RBPJ: variants seen among roughly 807,000 people sequenced by gnomAD.
RBPJ encodes the protein recombination signal binding protein for immunoglobulin kappa J region, also known as recombining binding protein suppressor of hairless.
In RBPJ, 9 loss-of-function variants were observed where a neutral mutation model predicts 67.8. The ratio of observed to expected loss-of-function variants is 0.13; its 90% confidence interval spans 0.08 to 0.23. The LOEUF (loss-of-function observed/expected upper bound fraction) is 0.23. Ranked by LOEUF, RBPJ falls within the 10% of genes least tolerant of loss-of-function variation. The pLI is 1.00. For synonymous variants in RBPJ, 198 were observed against 203.3 expected (o/e 0.97, Z 0.22); for missense variants, 305 against 595.6 (o/e 0.51, Z 5.08).
intron 1 of RBPJ, among the ~76,000 whole-genome samples, chr4:26,328,858 C>A (rs1379855748): frequency 1.3e-5 from 2 of 152,176 alleles, no homozygotes; most frequent in African/African-American, 4.8e-5. Flanking sequence ...CTATGTTTTC[C>A]AGGCTGGTCC....
Position 26,430,910 on chromosome 4 carries a change from C to T in RBPJ, c.1367C>T (p.Pro456Leu), listed in dbSNP as rs759625858. ...CTTCGAGCCAATTCAAGCCAGGTGC[C>T]CCCTAACGAATCAAACACAAACAGC... ...AILRANSSQV[P>L]PNESNTNSEG... is the part of the protein sequence containing the mutation. The change falls in exon 11 of 11, where the codon CCC becomes CTC. Residue 456 changes from proline to leucine, a missense_variant. Physicochemically the swap from Pro to Leu is moderately conservative, Grantham distance 98. Transcript: ENST00000355476. This position sits in a 1 kb window ranked among gnomAD's most constrained non-coding sequence, Gnocchi z 4.1. 57 of 1,613,972 alleles carry T rather than the reference C, an allele frequency of 3.5e-5. No homozygotes were observed. Among genetic ancestry groups the T allele is most frequent in the Non-Finnish European group, 4.7e-5 (56 of 1,179,956 alleles).
chr4:26,253,849 C>T (rs1439791110), intron 1 of RBPJ, among the ~76,000 whole-genome samples: 1 of 148,698 alleles, frequency 6.7e-6, no homozygotes, highest in Non-Finnish European at 1.5e-5. Flanking sequence ...ATTATTTTTA[C>T]ACTAAAATTG....
At chr4:26,390,694 A>G (rs1731409854) in intron 2 of RBPJ, among the ~76,000 whole-genome samples, 1 of 152,232 alleles carries the variant, frequency 6.6e-6, no homozygotes, top group Non-Finnish European at 1.5e-5. Flanking sequence ...TCTACACTGA[A>G]GACTACCAAA....
intron 1 of RBPJ, among the ~76,000 whole-genome samples, chr4:26,338,729 C>G (rs1299256431): frequency 6.6e-6 from 1 of 151,826 alleles, no homozygotes; most frequent in East Asian, 1.9e-4. Flanking sequence ...TGCCTGCCAC[C>G]CTGCCCGGCT....
the RBPJ span, among the ~76,000 whole-genome samples, chr4:26,127,431 A>G: frequency 6.6e-6 from 1 of 152,088 alleles, no homozygotes; most frequent in Admixed American, 6.5e-5. Context: ...TGTGGTAGAA[A>G]TGCACTCTCT....
chr4:26,317,445 G>C (rs1271983661), upstream of RBPJ, among the ~76,000 whole-genome samples: 1 of 152,060 alleles, frequency 6.6e-6, no homozygotes, highest in Non-Finnish European at 1.5e-5. Context: ...AGAGGAGGAG[G>C]TGAAGGCAGA....
intron 1 of RBPJ, among the ~76,000 whole-genome samples, chr4:26,175,530 C>A (rs895386989): frequency 1.3e-5 from 2 of 152,164 alleles, no homozygotes; most frequent in Non-Finnish European, 2.9e-5. Context: ...TTACGTTTAC[C>A]CCTTTTGTGT....
intron 1 of RBPJ, among the ~76,000 whole-genome samples, chr4:26,300,346 T>C (rs925523023): frequency 6.6e-6 from 1 of 152,208 alleles, no homozygotes; most frequent in Non-Finnish European, 1.5e-5. Flanking sequence ...TCATCACTTT[T>C]CTTTTCCAAT....
At chr4:26,246,965 A>G (rs1207293073) in intron 1 of RBPJ, among the ~76,000 whole-genome samples, 2 of 148,544 alleles carry the variant, frequency 1.3e-5, no homozygotes, top group East Asian at 1.9e-4. Context: ...TCTATGGAAC[A>G]TAATACGCTT....
chr4:26,424,546 T>G lies in RBPJ; in HGVS notation c.634+67T>G. 6.4e-7 allele frequency: 1 copy of G among 1,569,240 alleles called. No individual in the cohort carries two copies. Among genetic ancestry groups the G allele is most frequent in the East Asian group, 2.2e-5 (1 of 44,604 alleles). On this transcript the variant is annotated intron_variant, in intron 6 of 10. Coordinates refer to ENST00000355476, the MANE Select transcript of RBPJ (RefSeq NM_015874.6). This position sits in a 1 kb window ranked among gnomAD's most constrained non-coding sequence, Gnocchi z 5.3. ...TGTTAAAATCTTTTGATGAGATACA[T>G]GGATATATTAAGTTTTGTCATTTGC...
At chr4:26,347,035 A>G (rs1307637657) in intron 1 of RBPJ, among the ~76,000 whole-genome samples, 1 of 152,152 alleles carries the variant, frequency 6.6e-6, no homozygotes, top group Non-Finnish European at 1.5e-5. Flanking sequence ...TCAAGAAGGA[A>G]AAAAATTCTG....
At chr4:26,124,920 T>A in the RBPJ span, among the ~76,000 whole-genome samples, 1 of 152,156 alleles carries the variant, frequency 6.6e-6, no homozygotes, top group African/African-American at 2.4e-5. Context: ...CGACTGTAGT[T>A]CAGGACTGCT....
At chr4:26,184,005 C>CT (rs1717122051) in intron 1 of RBPJ, among the ~76,000 whole-genome samples, 1 of 150,790 alleles carries the variant, frequency 6.6e-6, no homozygotes, top group African/African-American at 2.4e-5. Flanking sequence ...GAACAAGACT[C>CT]TGTCTCAAAA....
chr4:26,337,268 G>C (rs1724949727), intron 1 of RBPJ, among the ~76,000 whole-genome samples: 1 of 152,044 alleles, frequency 6.6e-6, no homozygotes, highest in Non-Finnish European at 1.5e-5. Context: ...ACCGCACCCA[G>C]CCTGTTTAGT....
chr4:26,105,835 T>C, the RBPJ span, among the ~76,000 whole-genome samples: 1 of 152,244 alleles, frequency 6.6e-6, no homozygotes, highest in East Asian at 1.9e-4. Flanking sequence ...GGTTTTATTC[T>C]TTCTGATTTT....
chr4:26,402,780 A>G (rs894791179), intron 2 of RBPJ, among the ~76,000 whole-genome samples: 5 of 152,118 alleles, frequency 3.3e-5, no homozygotes, highest in African/African-American at 4.8e-5. Flanking sequence ...TTGTTTGCCA[A>G]TTACATACTA....
At chr4:26,256,278 T>G (rs1720342899) in intron 1 of RBPJ, among the ~76,000 whole-genome samples, 1 of 149,128 alleles carries the variant, frequency 6.7e-6, no homozygotes, top group African/African-American at 2.6e-5. Context: ...TAGGAGAATC[T>G]CTGGCTTCTG....
chr4:26,275,251 A>G (rs1721039722), intron 1 of RBPJ, among the ~76,000 whole-genome samples: 2 of 152,188 alleles, frequency 1.3e-5, no homozygotes, highest in African/African-American at 4.8e-5. Context: ...CTTAGACCAA[A>G]GCCTGGTAAT....
chr4:26,144,230 T>C, the RBPJ span, among the ~76,000 whole-genome samples: 1 of 144,418 alleles, frequency 6.9e-6, no homozygotes, highest in South Asian at 2.2e-4. Flanking sequence ...AATTTTTTTA[T>C]AGAGGGGAAG....
Sources: allele counts gnomAD v4.1 joint callset (sites outside exome capture counted in the v4.1 genomes callset), GRCh38; gene constraint gnomAD v4.1.1; non-coding constraint Gnocchi (gnomAD v3.1); transcripts MANE v1.5; gene names NCBI Gene and HGNC (gene_info 2026-07-23, HGNC 2026-07-21).